The following PRDM11 variants were observed in gnomAD, a reference collection of about 807,000 sequenced individuals.
PRDM11 encodes PR domain-containing protein 11.
Under a neutral mutation model 97.8 loss-of-function variants are expected in PRDM11, and 20 were observed. The observed-to-expected ratio is 0.20, with a 90% CI of 0.14 to 0.30. The LOEUF is 0.30. Among genes scored for constraint, PRDM11 ranks in the 10% least tolerant of loss-of-function variants. PRDM11 has a pLI of 1.00. For synonymous variants in PRDM11, 599 were observed against 637.7 expected (o/e 0.94, Z 0.91); for missense variants, 1,139 against 1,555.2 (o/e 0.73, Z 4.50).
intron 1 of PRDM11, among the ~76,000 whole-genome samples, chr11:45,156,626 G>A (rs1851801281): frequency 1.3e-5 from 2 of 152,244 alleles, no homozygotes; most frequent in African/African-American, 4.8e-5. Flanking sequence ...GTTGGCATCA[G>A]ATTGGAAAAC....
intron 1 of PRDM11, among the ~76,000 whole-genome samples, chr11:45,111,748 G>T (rs192925166): frequency 1.3e-5 from 2 of 152,028 alleles, no homozygotes; most frequent in Admixed American, 6.6e-5. Flanking sequence ...TGCTTCCATC[G>T]CGGAACACAA....
At chr11:45,168,722 C>G (rs768071922) in intron 1 of PRDM11, among the ~76,000 whole-genome samples, 13 of 152,184 alleles carry the variant, frequency 8.5e-5, no homozygotes, top group Non-Finnish European at 1.8e-4. Context: ...AAGGAGCTGG[C>G]TAGACGAGGA....
chr11:45,194,829 A>G (rs889010813), intron 4 of PRDM11, among the ~76,000 whole-genome samples: 1 of 150,626 alleles, frequency 6.6e-6, no homozygotes, highest in Non-Finnish European at 1.5e-5. Context: ...CGATCTCCTG[A>G]CCTCGTGATC....
At chr11:45,206,630 A>G (rs1853522192) in intron 5 of PRDM11, among the ~76,000 whole-genome samples, 1 of 152,190 alleles carries the variant, frequency 6.6e-6, no homozygotes, top group Admixed American at 6.5e-5. Flanking sequence ...AAAACCCCAA[A>G]AAAGGGGAGC....
At chr11:45,110,688 C>T (rs1013297569) in intron 1 of PRDM11, among the ~76,000 whole-genome samples, 93 of 152,346 alleles carry the variant, frequency 6.1e-4, no homozygotes, top group African/African-American at 2.0e-3. Context: ...CAAGGCCTCG[C>T]TTGCTCTATA....
chr11:45,163,489 G>GGT (rs1028078266), intron 1 of PRDM11, among the ~76,000 whole-genome samples: 1 of 3,114 alleles, frequency 3.2e-4, no homozygotes, highest in African/African-American at 1.1e-3. Flanking sequence ...GCTTGAGGAT[G>GGT]GGGGGGGGTA....
At position 45,194,590 on chromosome 11, in the gene PRDM11, CTGT is replaced by C. The variant is rs1347772400; in HGVS notation, c.487-10119_487-10117del. Among the ~76,000 whole-genome samples the C allele has an allele frequency of 2.7e-4, 24 of 89,958 alleles. 1 individual carries two copies. Among genetic ancestry groups the C allele is most frequent in the African/African-American group, 3.1e-4 (8 of 26,146 alleles). 59.0% of individuals were successfully genotyped at this position (89,958 alleles called of 152,430 possible). On this transcript the variant is annotated intron_variant, in intron 4 of 7. Coordinates refer to ENST00000683152, the MANE Select transcript of PRDM11 (RefSeq NM_001384648.1). ...AGTACTGTGGGATAGTTATTATCTT[CTGT>C]TTTTTTTTTTTTTTTTTTTTTTTGA... is the stretch of plus-strand genomic sequence containing the variant.
At chr11:45,149,559 T>C (rs1426472483) in intron 1 of PRDM11, among the ~76,000 whole-genome samples, 1 of 152,256 alleles carries the variant, frequency 6.6e-6, no homozygotes, top group Admixed American at 6.5e-5. Flanking sequence ...TGACTGGAGC[T>C]CTACCTGCGC....
chr11:45,154,500 G>A (rs145724348), intron 1 of PRDM11, among the ~76,000 whole-genome samples: 8 of 152,314 alleles, frequency 5.3e-5, no homozygotes, highest in Non-Finnish European at 1.0e-4. Context: ...TACTGGGTAC[G>A]GGAAGTGGAG....
At chr11:45,214,027 C>T in intron 5 of PRDM11, 1 of 309,052 alleles carries the variant, frequency 3.2e-6, no homozygotes, top group Non-Finnish European at 6.4e-6. Flanking sequence ...TGCCCTGGCT[C>T]TATGGCTCAT....
At chr11:45,130,930 T>C (rs1852704668) in intron 1 of PRDM11, among the ~76,000 whole-genome samples, 1 of 152,192 alleles carries the variant, frequency 6.6e-6, no homozygotes, top group Non-Finnish European at 1.5e-5. Context: ...AGAGTACACA[T>C]GTCCATCAAA....
At chr11:45,141,174 G>A (rs1851397411) in intron 1 of PRDM11, among the ~76,000 whole-genome samples, 1 of 152,136 alleles carries the variant, frequency 6.6e-6, no homozygotes, top group African/African-American at 2.4e-5. Context: ...GTGAATAACT[G>A]CATGATCATC....
At chr11:45,183,333 A>G (rs1008906626) in intron 4 of PRDM11, among the ~76,000 whole-genome samples, 2 of 152,202 alleles carry the variant, frequency 1.3e-5, no homozygotes, top group Non-Finnish European at 2.9e-5. Flanking sequence ...CCCACCTGGC[A>G]GTAGTCAGCA....
Position 45,219,511 on chromosome 11 carries a change from C to G in PRDM11, c.555-59C>G. 1.2e-5 allele frequency: 18 copies of G among 1,484,352 alleles called. No homozygotes were observed. The South Asian group carries it at 2.3e-4, about 19-fold the overall frequency. The allele number at this position is 1,484,352 out of a possible 1,614,324, so 91.9% of individuals were successfully genotyped here. A position where few individuals can be genotyped will look rare whatever the true frequency, so the allele number is the denominator to read the frequency against. On this transcript the variant is annotated intron_variant, in intron 5 of 7. Transcript: ENST00000683152. The surrounding 1 kb of genome is among the most constrained non-coding windows in gnomAD (Gnocchi z 4.2). ...CACTTGCCCAGCACTGTGCCGGCAC[C>G]AGCGGGCACTCAACAAAGGGTGGCC...
intron 1 of PRDM11, among the ~76,000 whole-genome samples, chr11:45,113,551 T>C (rs946786859): frequency 2.0e-5 from 3 of 152,236 alleles, no homozygotes; most frequent in Non-Finnish European, 4.4e-5. Flanking sequence ...TATGGTCATC[T>C]TCACAATATT....
rs763509789 is a variant in PRDM11 at position 45,226,013 on chromosome 11, C to T, written c.1388C>T (p.Ser463Phe). ...SDPAASESMV[S>F]GPAIMEDDDQ... ...TTTTCAGCCTCAGAAAGCATGGTCT[C>T]CGGCCCCGCCATCATGGAGGATGAT... The change falls in exon 8 of 8, where the codon TCC becomes TTC. Residue 463 changes from serine (S) to phenylalanine (F), a missense_variant. Ser to Phe is a radical substitution (Grantham distance 155). This residue lies in a region of PRDM11 where 710 missense variants were observed against 1,044.9 expected (regional missense o/e 0.68). Coordinates refer to ENST00000683152, the MANE Select transcript of PRDM11 (RefSeq NM_001384648.1). 9 of 1,505,726 alleles carry T rather than the reference C, an allele frequency of 6.0e-6. No homozygotes were observed. Among genetic ancestry groups the T allele is most frequent in the Non-Finnish European group, 8.0e-6 (9 of 1,125,692 alleles). 93.3% of individuals were successfully genotyped at this position (1,505,726 alleles called of 1,614,324 possible).
At chr11:45,213,758 A>C (rs1219269142) in intron 5 of PRDM11, 1 of 456,108 alleles carries the variant, frequency 2.2e-6, no homozygotes, top group Admixed American at 2.4e-5. Flanking sequence ...GATCATTTTT[A>C]TCATCATCAT....
intron 1 of PRDM11, among the ~76,000 whole-genome samples, chr11:45,153,900 G>A (rs1386902168): frequency 1.3e-5 from 2 of 152,194 alleles, no homozygotes; most frequent in Non-Finnish European, 2.9e-5. Flanking sequence ...TATGGATGAG[G>A]AACCTTGGGG....
At chr11:45,191,115 T>C (rs1852897102) in intron 4 of PRDM11, among the ~76,000 whole-genome samples, 3 of 152,220 alleles carry the variant, frequency 2.0e-5, no homozygotes, top group African/African-American at 7.2e-5. Flanking sequence ...TCTAGAAAAG[T>C]CTCCCCTGTA....
Sources: gnomAD v4.1 joint callset for allele counts (sites outside exome capture counted in the v4.1 genomes callset) on GRCh38, gnomAD v4.1.1 for gene constraint, gnomAD v4.1.1 regional missense constraint, Gnocchi (gnomAD v3.1) non-coding constraint, MANE v1.5 for transcripts, NCBI Gene and HGNC (gene_info 2026-07-23, HGNC 2026-07-21) for gene names.